The following BTRC variants were observed in gnomAD, a reference collection of about 807,000 sequenced individuals.
BTRC encodes F-box/WD repeat-containing protein 1A.
A neutral mutation model predicts 85.5 loss-of-function variants in BTRC; 42 were observed. The observed-to-expected ratio is 0.49, with a 90% CI of 0.38 to 0.64. The LOEUF (loss-of-function observed/expected upper bound fraction) is 0.64, where lower values mean the gene tolerates loss of function less well. BTRC is among the 30% of genes least tolerant of loss of function. The probability of loss-of-function intolerance (pLI) is 0.00; values close to 1 mark genes in which losing one functional copy is unlikely to be tolerated. For missense variants in BTRC, 594 were observed against 743.5 expected, an observed-to-expected ratio of 0.80 and a Z score of 2.34; for synonymous variants, 255 against 263.3, an observed-to-expected ratio of 0.97 and a Z score of 0.30.
rs150625153 is a variant in BTRC, at chr10:101,383,392, C to CTT, written c.48+29168_48+29169dup. On this transcript the variant is annotated intron_variant, in intron 1 of 14. Coordinates refer to ENST00000370187, the MANE Select transcript of BTRC (RefSeq NM_033637.4). ...ACTGCTGTGGCTTCTATAAGTCTTCCTTTTTAAAAAAAAAAAAAAAGGCTA... is the reference window on the plus strand; with the variant it reads ...ACTGCTGTGGCTTCTATAAGTCTTCCTTTTTTTAAAAAAAAAAAAAAAGGCTA... Among the ~76,000 whole-genome samples the CTT allele has an allele frequency of 3.1e-4, 45 of 146,864 alleles. No individual in the cohort carries two copies. The South Asian group carries it at 6.8e-3, about 22-fold the overall frequency.
intron 4 of BTRC, among the ~76,000 whole-genome samples, chr10:101,493,705 T>C (rs1946191709): frequency 6.6e-6 from 1 of 152,228 alleles, no homozygotes; most frequent in Non-Finnish European, 1.5e-5. Context: ...CTCTTGCACT[T>C]ATAGTATTTT....
At chr10:101,478,830 G>A (rs1356050001) in intron 3 of BTRC, among the ~76,000 whole-genome samples, 1 of 149,806 alleles carries the variant, frequency 6.7e-6, no homozygotes, top group African/African-American at 2.5e-5. Context: ...CATGTCCTCT[G>A]TGGGAGGCTG....
intron 8 of BTRC, among the ~76,000 whole-genome samples, chr10:101,532,724 A>G (rs2062305526): frequency 6.6e-6 from 1 of 150,412 alleles, no homozygotes. Context: ...GAAAAGGATA[A>G]AAGTTTGCAT....
intron 1 of BTRC, among the ~76,000 whole-genome samples, chr10:101,391,616 CTA>C (rs1943238351): frequency 6.6e-6 from 1 of 152,136 alleles, no homozygotes; most frequent in African/African-American, 2.4e-5. Flanking sequence ...CCTTAATTTG[CTA>C]TGTTCTTTTA....
At chr10:101,355,123 G>C (rs934791916) in intron 1 of BTRC, among the ~76,000 whole-genome samples, 3 of 152,200 alleles carry the variant, frequency 2.0e-5, no homozygotes, top group Admixed American at 2.0e-4. Context: ...AAGGTAAATT[G>C]TGGGACGGTA....
intron 1 of BTRC, among the ~76,000 whole-genome samples, chr10:101,372,264 C>CT (rs1201027498): frequency 1.1e-4 from 16 of 141,444 alleles, no homozygotes; most frequent in South Asian, 2.3e-4. Context: ...TTTTCTTTTT[C>CT]TTTTTTTTTT....
At chr10:101,527,795 T>TACAC (rs5787437) in intron 6 of BTRC, among the ~76,000 whole-genome samples, 32,411 of 145,266 alleles carry the variant, frequency 0.22, 3,753 homozygotes, top group Non-Finnish European at 0.28. Flanking sequence ...CTCTCTCACA[T>TACAC]ACACACACAC....
chr10:101,461,323 T>C (rs1945219603), intron 2 of BTRC, among the ~76,000 whole-genome samples: 1 of 152,186 alleles, frequency 6.6e-6, no homozygotes, highest in Non-Finnish European at 1.5e-5. Flanking sequence ...GATTTACATA[T>C]ATTGACTAGC....
At chr10:101,426,005 T>C (rs1944242099) in intron 1 of BTRC, among the ~76,000 whole-genome samples, 2 of 152,152 alleles carry the variant, frequency 1.3e-5, no homozygotes, top group African/African-American at 4.8e-5. Context: ...TCTTACATAT[T>C]TGTCAGAAAC....
At chr10:101,461,852 C>A in intron 2 of BTRC, 129 bp from the exon 3 acceptor site, 1 of 622,830 alleles carries the variant, frequency 1.6e-6, no homozygotes, top group Non-Finnish European at 2.7e-6. Flanking sequence ...GTATACAAAT[C>A]TTCAAGTGAA....
At chr10:101,505,551 T>C (rs1456990858) in intron 4 of BTRC, among the ~76,000 whole-genome samples, 3 of 150,380 alleles carry the variant, frequency 2.0e-5, no homozygotes, top group Non-Finnish European at 3.0e-5. Flanking sequence ...ACCTAGGAGG[T>C]GGAGCTTGCA....
At chr10:101,511,402 T>A (rs2061951363) in intron 4 of BTRC, among the ~76,000 whole-genome samples, 1 of 152,146 alleles carries the variant, frequency 6.6e-6, no homozygotes, top group African/African-American at 2.4e-5. Flanking sequence ...CTGCACTCTT[T>A]ACTTCTTTTC....
At chr10:101,516,095 A>G (rs528850959) in intron 4 of BTRC, among the ~76,000 whole-genome samples, 1 of 152,322 alleles carries the variant, frequency 6.6e-6, no homozygotes, top group East Asian at 1.9e-4. Context: ...GAAAATTAAA[A>G]TAGAAAAAAT....
rs1319600483 is a variant in BTRC at position 101,366,932 on chromosome 10, ATATATT to A, written c.48+12710_48+12715del. On this transcript the variant is annotated intron_variant, in intron 1 of 14. Transcript: ENST00000370187. ...TTAATATATATTTATATATATTTATATATATTTATATATATTTATATATATATTTAT... is the reference window on the plus strand; with the variant it reads ...TTAATATATATTTATATATATTTATATATATATATTTATATATATATTTAT... 6.0e-4 allele frequency among the ~76,000 whole-genome samples: 15 copies of A among 25,168 alleles called. 1 individual carries two copies. Among genetic ancestry groups the A allele is most frequent in the African/African-American group, 3.1e-3 (14 of 4,470 alleles). 16.5% of individuals were successfully genotyped at this position (25,168 alleles called of 152,430 possible). A position where few individuals can be genotyped will look rare whatever the true frequency, so the allele number is the denominator to read the frequency against.
chr10:101,437,629 A>G (rs1180951672), intron 2 of BTRC, among the ~76,000 whole-genome samples: 1 of 152,224 alleles, frequency 6.6e-6, no homozygotes, highest in Non-Finnish European at 1.5e-5. Context: ...CTCAAATTCT[A>G]CATTCATCAT....
At position 101,549,178 on chromosome 10, in the gene BTRC, T is replaced by C. The variant is rs1227823447; in HGVS notation, c.1657-1521T>C. On this transcript the variant is annotated intron_variant, in intron 13 of 14. Coordinates refer to ENST00000370187, the MANE Select transcript of BTRC (RefSeq NM_033637.4). ...GGCCAGGCACAGTGGCCCACACCTATAATCTCAGAGCTTTGGGAGGCCAAG... is the reference window on the plus strand; with the variant it reads ...GGCCAGGCACAGTGGCCCACACCTACAATCTCAGAGCTTTGGGAGGCCAAG... Among the ~76,000 whole-genome samples, 9 of 149,664 alleles carry C rather than the reference T, an allele frequency of 6.0e-5. No homozygotes were observed. In the Admixed American group the frequency reaches 6.1e-4, roughly 10 times the overall value.
intron 8 of BTRC, 132 bp from the exon 9 acceptor site, chr10:101,532,820 A>G (rs2062319428): frequency 2.8e-6 from 2 of 702,560 alleles, no homozygotes; most frequent in Non-Finnish European, 2.5e-6. Flanking sequence ...GCTTAGCTAT[A>G]CCTATAGAAA....
intron 4 of BTRC, among the ~76,000 whole-genome samples, chr10:101,497,412 A>T (rs929666113): frequency 2.6e-5 from 4 of 152,170 alleles, no homozygotes; most frequent in African/African-American, 9.6e-5. Flanking sequence ...AAATATGAAT[A>T]TATTAAAGCT....
chr10:101,457,000 A>G (rs559201599), intron 2 of BTRC, among the ~76,000 whole-genome samples: 4 of 152,324 alleles, frequency 2.6e-5, no homozygotes, highest in South Asian at 2.1e-4. Context: ...TAAACCACAG[A>G]TAGTTCTGAA....
Sources: gnomAD v4.1 joint callset for allele counts (sites outside exome capture counted in the v4.1 genomes callset) on GRCh38, gnomAD v4.1.1 for gene constraint, MANE v1.5 for transcripts, NCBI Gene and HGNC (gene_info 2026-07-23, HGNC 2026-07-21) for gene names.